SLC51A: variants seen among roughly 807,000 people sequenced by gnomAD.
The protein encoded by SLC51A is solute carrier family 51 member A.
A neutral mutation model predicts 34.8 loss-of-function variants in SLC51A; 22 were observed. That is an observed-to-expected ratio of 0.63 (90% confidence interval 0.45 to 0.90). SLC51A has a LOEUF of 0.90. SLC51A is among the 40% of genes least tolerant of loss of function. SLC51A has a pLI of 0.00. For missense variants in SLC51A, 371 were observed against 414.8 expected (o/e 0.89, Z 0.92); for synonymous variants, 181 against 176.3 (o/e 1.03, Z -0.21).
intron 2 of SLC51A, among the ~76,000 whole-genome samples, chr3:196,220,371 C>T (rs907874561): frequency 7.9e-5 from 12 of 152,214 alleles, no homozygotes; most frequent in Middle Eastern, 3.4e-3. Context: ...CCGAGGCAGG[C>T]GGATCATCTG....
chr3:196,218,100 C>T (rs890185796), intron 2 of SLC51A, among the ~76,000 whole-genome samples, 164 bp downstream of exon 2: 1 of 152,192 alleles, frequency 6.6e-6, no homozygotes, highest in Non-Finnish European at 1.5e-5. Flanking sequence ...GGCAATGCCT[C>T]AAGGAGTCAG....
intron 2 of SLC51A, chr3:196,223,948 C>CT (rs1198776967): frequency 5.3e-6 from 2 of 376,116 alleles, no homozygotes; most frequent in Non-Finnish European, 1.0e-5. Context: ...CAACCTCCAC[C>CT]TCCCAGTTCA....
intron 2 of SLC51A, among the ~76,000 whole-genome samples, chr3:196,221,894 T>TA (rs1156587455): frequency 7.9e-5 from 12 of 151,808 alleles, no homozygotes; most frequent in Admixed American, 2.0e-4. Flanking sequence ...TTTTTGTATA[T>TA]TTTTTAGTAG....
intron 2 of SLC51A, among the ~76,000 whole-genome samples, chr3:196,219,690 C>G (rs1019455253): frequency 6.6e-6 from 1 of 152,168 alleles, no homozygotes; most frequent in Non-Finnish European, 1.5e-5. Flanking sequence ...CAGCAGCTGT[C>G]CCCCCAGGGA....
Position 196,226,955 on chromosome 3 carries a change from C to T in SLC51A, c.134-10C>T. ...CCCGGTCGTCAGCTCTCTGCCTTCTCCTCCTCTAGCCCTGGGCCCTGTGGA... is the reference window on the plus strand; with the variant it reads ...CCCGGTCGTCAGCTCTCTGCCTTCTTCTCCTCTAGCCCTGGGCCCTGTGGA... On this transcript the variant is annotated splice_polypyrimidine_tract_variant and intron_variant, in intron 2 of 8. Coordinates refer to ENST00000296327, the MANE Select transcript of SLC51A (RefSeq NM_152672.6). The T allele has an allele frequency of 6.2e-7, 1 of 1,606,928 alleles. No individual in the cohort carries two copies. Among genetic ancestry groups the T allele is most frequent in the Non-Finnish European group, 8.5e-7 (1 of 1,176,654 alleles).
chr3:196,227,772 C>T, intron 4 of SLC51A, 35 bp downstream of exon 4: 1 of 1,579,014 alleles, frequency 6.3e-7, no homozygotes, highest in Non-Finnish European at 8.7e-7. Context: ...TCCAAGGGCC[C>T]CTCTGCTCCC....
Position 196,231,834 on chromosome 3 carries a change from CTTCT to C in SLC51A, c.781-582_781-579del, listed in dbSNP as rs1472987422. On this transcript the variant is annotated intron_variant, in intron 7 of 8. Transcript: ENST00000296327. ...TGATCTTCTTCTTCTCCCCTTTTGC[CTTCT>C]TTATTTGGTGAAATATTGATAAAAT... 7.2e-5 allele frequency among the ~76,000 whole-genome samples: 11 copies of C among 152,224 alleles called. No individual in the cohort carries two copies. In the South Asian group the frequency reaches 8.3e-4, roughly 11 times the overall value.
intron 7 of SLC51A, 119 bp downstream of exon 7, chr3:196,230,180 C>A (rs966837321): frequency 4.1e-6 from 4 of 980,986 alleles, no homozygotes; most frequent in Admixed American, 3.4e-5. Context: ...AGCCTCACGT[C>A]TCTCATGAGA....
rs775455642 is a variant in SLC51A at position 196,217,895 on chromosome 3, C to T, written c.92C>T (p.Ala31Val). Residue 31 changes from alanine (A) to valine (V), a missense_variant, in exon 2 of 9, where the codon GCC becomes GTC. Ala to Val is a moderately conservative substitution (Grantham distance 64, BLOSUM62 0). Coordinates refer to ENST00000296327, the MANE Select transcript of SLC51A (RefSeq NM_152672.6). ...VLKTNYGIPSACFSQPPTAAQ... is the reference protein window; with the variant it reads ...VLKTNYGIPSVCFSQPPTAAQ... ...AAGACCAATTACGGCATCCCCTCCG[C>T]CTGCTTCTCTCAGCCTCCCACAGCA... The T allele has an allele frequency of 2.8e-5, 45 of 1,613,514 alleles. No individual in the cohort carries two copies. In the Admixed American group the frequency reaches 6.7e-4, roughly 24 times the overall value.
rs1723915846 is a variant in SLC51A at position 196,227,082 on chromosome 3, A to G, written c.251A>G (p.Lys84Arg). The change falls in exon 3 of 9, where the codon AAG becomes AGG. Residue 84 changes from lysine (K) to arginine (R), a missense_variant. Coordinates refer to ENST00000296327, the MANE Select transcript of SLC51A (RefSeq NM_152672.6). ...TACAAGAACACCCTTTGCCCCATCA[A>G]GAGGCGGACTCTGCTCTGGAAGAGC... is the stretch of plus-strand genomic sequence containing the variant. ...YLYKNTLCPI[K>R]RRTLLWKSSA... The G allele has an allele frequency of 1.2e-6, 2 of 1,614,094 alleles. No homozygotes were observed. Among genetic ancestry groups the G allele is most frequent in the Non-Finnish European group, 1.7e-6 (2 of 1,180,028 alleles).
intron 3 of SLC51A, 99 bp from the exon 4 acceptor site, chr3:196,227,565 G>C (rs534837997): frequency 2.0e-6 from 2 of 991,294 alleles, no homozygotes; most frequent in East Asian, 2.4e-5. Context: ...ACGCTGCCTC[G>C]AATGTGTAGG....
At chr3:196,232,787 G>A in intron 8 of SLC51A, 1 of 579,538 alleles carries the variant, frequency 1.7e-6, no homozygotes. Flanking sequence ...TCCTGGGAGA[G>A]GAATGGGAAT....
chr3:196,220,765 TG>T (rs1723736284), intron 2 of SLC51A, among the ~76,000 whole-genome samples: 1 of 152,036 alleles, frequency 6.6e-6, no homozygotes, highest in Admixed American at 6.6e-5. Context: ...GGCGTGTAAG[TG>T]CTGGTTCTGG....
chr3:196,232,844 G>C lies in SLC51A; in HGVS notation c.887-219G>C. ...GTTGATTGAACACACATAAGAAATGGACTGTATGCCAGCCTCAGAGCACAG... is the reference window on the plus strand; with the variant it reads ...GTTGATTGAACACACATAAGAAATGCACTGTATGCCAGCCTCAGAGCACAG... On this transcript the variant is annotated intron_variant, in intron 8 of 8. Coordinates refer to ENST00000296327, the MANE Select transcript of SLC51A (RefSeq NM_152672.6). 4 of 597,394 alleles carry C rather than the reference G, an allele frequency of 6.7e-6. 1 individual carries two copies. In the South Asian group the frequency reaches 8.0e-5, roughly 12 times the overall value. The allele number at this position is 597,394 out of a possible 1,614,324, so 37.0% of individuals were successfully genotyped here.
chr3:196,222,428 A>G (rs1355892502), intron 2 of SLC51A, among the ~76,000 whole-genome samples: 1 of 137,870 alleles, frequency 7.3e-6, no homozygotes, highest in Non-Finnish European at 1.7e-5. Flanking sequence ...TGAGGTCAGG[A>G]GTTTGAGACC....
At chr3:196,218,859 AAAACATAGGTG>A (rs1361705766) in intron 2 of SLC51A, among the ~76,000 whole-genome samples, 1 of 152,046 alleles carries the variant, frequency 6.6e-6, no homozygotes, top group East Asian at 1.9e-4. Context: ...TAAAAAAAAA[AAAACATAGGTG>A]AACCTGCAAA....
chr3:196,230,628 G>C (rs978294422), intron 7 of SLC51A, among the ~76,000 whole-genome samples: 1 of 151,986 alleles, frequency 6.6e-6, no homozygotes, highest in Non-Finnish European at 1.5e-5. Context: ...GGGATTACAG[G>C]CATGTACCAC....
rs1723593298 is a variant in SLC51A at position 196,216,804 on chromosome 3, C to T, written c.38+54C>T. On this transcript the variant is annotated intron_variant, in intron 1 of 8. Transcript: ENST00000296327. This position sits in a 1 kb window ranked among gnomAD's most constrained non-coding sequence, Gnocchi z 4.5. ...GTCGCTGGGCAGCGGTGGCCCCTAT[C>T]CCGCGGCCTGTCCTCTCTCCCTCCC... 6.6e-7 allele frequency: 1 copy of T among 1,520,970 alleles called. No individual in the cohort carries two copies. The highest frequency in any genetic ancestry group is 1.4e-5 in the African/African-American group (1 of 72,480). The allele number at this position is 1,520,970 out of a possible 1,614,324, so 94.2% of individuals were successfully genotyped here.
At chr3:196,226,767 C>G (rs1253247911) in intron 2 of SLC51A, among the ~76,000 whole-genome samples, 198 bp from the exon 3 acceptor site, 1 of 116,634 alleles carries the variant, frequency 8.6e-6, no homozygotes, top group Non-Finnish European at 1.7e-5. Context: ...GAGTGAGGCT[C>G]CGTCTTAAAA....
Sources: allele counts gnomAD v4.1 joint callset (sites outside exome capture counted in the v4.1 genomes callset), GRCh38; gene constraint gnomAD v4.1.1; non-coding constraint Gnocchi (gnomAD v3.1); transcripts MANE v1.5; gene names NCBI Gene and HGNC (gene_info 2026-07-23, HGNC 2026-07-21).